Variants in HS3ST5 observed in about 807,000 individuals in gnomAD.
HS3ST5 encodes the protein heparan sulfate-glucosamine 3-sulfotransferase 5.
In HS3ST5, 10 loss-of-function variants were observed where a neutral mutation model predicts 25.4. The ratio of observed to expected loss-of-function variants is 0.39; its 90% CI spans 0.24 to 0.67. HS3ST5 has a LOEUF of 0.67. Among genes scored for constraint, HS3ST5 ranks in the 30% least tolerant of loss-of-function variants. The pLI is 0.44. For missense variants in HS3ST5, 324 were observed against 420.7 expected, an observed-to-expected ratio of 0.77 and a Z score of 2.01; for synonymous variants, 170 against 162.4, an observed-to-expected ratio of 1.05 and a Z score of -0.36.
chr6:114,323,124 G>T (rs549425934), intron 1 of HS3ST5, among the ~76,000 whole-genome samples: 24 of 152,224 alleles, frequency 1.6e-4, no homozygotes, highest in African/African-American at 2.4e-4. Context: ...ATTGAGACTG[G>T]TCATTTGTTA....
intron 1 of HS3ST5, among the ~76,000 whole-genome samples, chr6:114,322,842 C>T (rs1582815586): frequency 6.6e-6 from 1 of 152,164 alleles, no homozygotes; most frequent in East Asian, 1.9e-4. Flanking sequence ...ATTTGCATCT[C>T]CACCCGGGGG....
intron 2 of HS3ST5, among the ~76,000 whole-genome samples, chr6:114,212,974 T>A (rs1562239999): frequency 6.6e-6 from 1 of 152,168 alleles, no homozygotes; most frequent in South Asian, 2.1e-4. Context: ...AACAGCTCAA[T>A]GTGACAGCCT....
intron 1 of HS3ST5, among the ~76,000 whole-genome samples, chr6:114,333,253 G>C (rs1261190919): frequency 1.3e-5 from 2 of 152,194 alleles, no homozygotes; most frequent in South Asian, 2.1e-4. Context: ...AGATGATCTT[G>C]AGGTACCTAT....
chr6:114,296,810 A>C (rs1368315937), intron 1 of HS3ST5, among the ~76,000 whole-genome samples: 1 of 152,166 alleles, frequency 6.6e-6, no homozygotes, highest in African/African-American at 2.4e-5. Context: ...CTTGTAAGTA[A>C]ATGGAGGTGA....
intron 3 of HS3ST5, among the ~76,000 whole-genome samples, chr6:114,095,600 C>A (rs928187675): frequency 1.3e-5 from 2 of 152,106 alleles, no homozygotes; most frequent in African/African-American, 2.4e-5. Flanking sequence ...TTGTCCAGGG[C>A]ATCAGTAGCC....
intron 2 of HS3ST5, among the ~76,000 whole-genome samples, chr6:114,218,140 G>C (rs1171875195): frequency 1.3e-5 from 2 of 152,088 alleles, no homozygotes; most frequent in East Asian, 3.9e-4. Flanking sequence ...TGGGATTACA[G>C]GTGCCTGCTA....
intron 2 of HS3ST5, among the ~76,000 whole-genome samples, chr6:114,171,744 C>A (rs1345851958): frequency 6.6e-6 from 1 of 152,104 alleles, no homozygotes; most frequent in African/African-American, 2.4e-5. Context: ...GTCTTCAGCT[C>A]CCATCTCAGA....
chr6:114,212,173 A>G (rs1176071916), intron 2 of HS3ST5, among the ~76,000 whole-genome samples: 2 of 152,228 alleles, frequency 1.3e-5, no homozygotes, highest in Non-Finnish European at 1.5e-5. Context: ...GGGAGTTAAT[A>G]GGATCATTAT....
At chr6:114,152,477 G>A (rs939219139) in intron 3 of HS3ST5, among the ~76,000 whole-genome samples, 1 of 152,112 alleles carries the variant, frequency 6.6e-6, no homozygotes, top group Non-Finnish European at 1.5e-5. Flanking sequence ...CCAGTTAGAG[G>A]AGAAATTTTA....
At chr6:114,071,330 C>T (rs1343660844) in intron 3 of HS3ST5, among the ~76,000 whole-genome samples, 1 of 152,182 alleles carries the variant, frequency 6.6e-6, no homozygotes, top group Admixed American at 6.5e-5. Context: ...CTCTCCCTCC[C>T]AGGCCTTGGT....
intron 2 of HS3ST5, among the ~76,000 whole-genome samples, chr6:114,173,217 G>A (rs1779552541): frequency 6.6e-6 from 1 of 152,130 alleles, no homozygotes; most frequent in South Asian, 2.1e-4. Flanking sequence ...CAAGCATGGG[G>A]AATTAAACTT....
intron 3 of HS3ST5, among the ~76,000 whole-genome samples, chr6:114,096,521 A>T (rs560094952): frequency 4.1e-4 from 62 of 152,200 alleles, no homozygotes; most frequent in Admixed American, 3.3e-4. Flanking sequence ...AAATGAAGAG[A>T]GATGTTTAGC....
At chr6:114,131,961 T>C (rs1200022471) in intron 3 of HS3ST5, 1 of 152,208 alleles carries the variant, frequency 6.6e-6, no homozygotes, top group African/African-American at 2.4e-5. Context: ...ATGTTTTTCC[T>C]TCAATTTAAT....
At chr6:114,335,213 T>A (rs1434836518) in intron 1 of HS3ST5, among the ~76,000 whole-genome samples, 1 of 151,718 alleles carries the variant, frequency 6.6e-6, no homozygotes, top group Non-Finnish European at 1.5e-5. Flanking sequence ...ACTAACGGCA[T>A]ATGTCCCAAT....
intron 1 of HS3ST5, among the ~76,000 whole-genome samples, chr6:114,234,854 A>ATTC (rs777756820): frequency 1.3e-5 from 2 of 152,166 alleles, no homozygotes; most frequent in Non-Finnish European, 2.9e-5. Flanking sequence ...TTCTTTTAAA[A>ATTC]TTCTTTTTCT....
chr6:114,197,139 T>G (rs1006676977), intron 2 of HS3ST5, among the ~76,000 whole-genome samples: 7 of 151,510 alleles, frequency 4.6e-5, no homozygotes, highest in Non-Finnish European at 8.8e-5. Flanking sequence ...TTTTTTTTTT[T>G]TTGTTGTTTT....
intron 3 of HS3ST5, chr6:114,084,386 C>A: frequency 1.3e-6 from 1 of 755,832 alleles, no homozygotes; most frequent in Non-Finnish European, 2.4e-6. Flanking sequence ...AATTCCTCCT[C>A]GGTCACAGCA....
At chr6:114,250,618 A>C (rs1233713214) in intron 1 of HS3ST5, among the ~76,000 whole-genome samples, 3 of 152,116 alleles carry the variant, frequency 2.0e-5, no homozygotes, top group Non-Finnish European at 4.4e-5. Flanking sequence ...AAAGTGAAGA[A>C]TTCACCAAGT....
At position 114,215,588 on chromosome 6, in the gene HS3ST5, G is replaced by T. The variant is rs181779187; in HGVS notation, c.-145+12997C>A. Among the ~76,000 whole-genome samples, 3 of 151,922 alleles carry T rather than the reference G, an allele frequency of 2.0e-5. No homozygotes were observed. In the East Asian group the frequency reaches 5.8e-4, roughly 30 times the overall value. ...GAGAATCCTCAGCTGACAGTTCCAT[G>T]CCTTTTGCCTTTTGTATGTTGTCAT... On this transcript the variant is annotated intron_variant, in intron 2 of 4. Coordinates refer to ENST00000312719, the MANE Select transcript of HS3ST5 (RefSeq NM_153612.4).
Sources: allele counts gnomAD v4.1 joint callset (sites outside exome capture counted in the v4.1 genomes callset), GRCh38; gene constraint gnomAD v4.1.1; transcripts MANE v1.5; gene names NCBI Gene and HGNC (gene_info 2026-07-23, HGNC 2026-07-21).